BUB1B: variants seen among roughly 807,000 people sequenced by gnomAD.
BUB1B encodes mitotic checkpoint serine/threonine-protein kinase BUB1 beta.
In BUB1B, 86 loss-of-function variants were observed where a neutral mutation model predicts 137.7. The observed-to-expected ratio is 0.62, with a 90% confidence interval of 0.52 to 0.75. The LOEUF (loss-of-function observed/expected upper bound fraction) is 0.75, where lower values mean the gene tolerates loss of function less well. Ranked by LOEUF, BUB1B falls within the 30% of genes least tolerant of loss-of-function variation. The pLI is 0.00. For missense variants in BUB1B, 1,130 were observed against 1,236.9 expected (o/e 0.91, Z 1.30); for synonymous variants, 420 against 417.9 (o/e 1.00, Z -0.06).
intron 1 of BUB1B, among the ~76,000 whole-genome samples, chr15:40,162,761 T>C (rs2037055129): frequency 6.6e-6 from 1 of 152,016 alleles, no homozygotes; most frequent in Non-Finnish European, 1.5e-5. Context: ...TTAGCTCAAT[T>C]TGGGATATTT....
intron 8 of BUB1B, among the ~76,000 whole-genome samples, chr15:40,193,667 G>C (rs1004674570): frequency 1.3e-5 from 2 of 151,672 alleles, no homozygotes; most frequent in African/African-American, 4.8e-5. Flanking sequence ...CCAGTACTTT[G>C]GAAGGTGAGG....
chr15:40,185,528 T>C, intron 7 of BUB1B, 23 bp from the exon 8 acceptor site: 1 of 1,608,764 alleles, frequency 6.2e-7, no homozygotes, highest in Admixed American at 1.7e-5. Context: ...TATGGTAATT[T>C]TAGTTTTCTT....
At chr15:40,195,271 A>G (rs2037484659) in intron 8 of BUB1B, among the ~76,000 whole-genome samples, 1 of 152,102 alleles carries the variant, frequency 6.6e-6, no homozygotes, top group Non-Finnish European at 1.5e-5. Context: ...ACTTAGAATA[A>G]TGGTCTCCAA....
intron 4 of BUB1B, among the ~76,000 whole-genome samples, chr15:40,172,313 AC>A (rs1299342231): frequency 2.0e-5 from 3 of 152,192 alleles, no homozygotes; most frequent in Non-Finnish European, 4.4e-5. Context: ...CCCTTGAACA[AC>A]ACAGGGCTTA....
intron 9 of BUB1B, among the ~76,000 whole-genome samples, chr15:40,198,422 T>C (rs1425499696): frequency 1.4e-4 from 22 of 152,112 alleles, no homozygotes; most frequent in Admixed American, 1.4e-3. Flanking sequence ...TTCATGAACT[T>C]GTATAAATTC....
chr15:40,219,853 A>G (rs1225691360), intron 22 of BUB1B, among the ~76,000 whole-genome samples: 1 of 152,104 alleles, frequency 6.6e-6, no homozygotes, highest in Non-Finnish European at 1.5e-5. Flanking sequence ...CTCTATTTTC[A>G]TCTTTGAATA....
At chr15:40,216,559 ATATATATATATATT>A (rs1566829670) in intron 20 of BUB1B, among the ~76,000 whole-genome samples, 2 of 79,890 alleles carry the variant, frequency 2.5e-5, no homozygotes, top group African/African-American at 1.1e-4. Flanking sequence ...ATATATATAT[ATATATATATATATT>A]TTTTTTTTTT....
At chr15:40,200,144 G>A in intron 10 of BUB1B, 100 bp from the exon 11 acceptor site, 1 of 808,116 alleles carries the variant, frequency 1.2e-6, no homozygotes, top group Non-Finnish European at 2.1e-6. Flanking sequence ...TACTGTTAGT[G>A]GATGTCTAGG....
At chr15:40,194,788 A>G (rs781175064) in intron 8 of BUB1B, among the ~76,000 whole-genome samples, 1 of 152,018 alleles carries the variant, frequency 6.6e-6, no homozygotes, top group South Asian at 2.1e-4. Context: ...CTTAACTCTA[A>G]TTCTTTTGGA....
intron 6 of BUB1B, 126 bp downstream of exon 6, chr15:40,184,009 G>T: frequency 1.0e-6 from 1 of 973,286 alleles, no homozygotes. Flanking sequence ...CAAAAAGAAG[G>T]AAGTCAAAGG....
intron 4 of BUB1B, among the ~76,000 whole-genome samples, chr15:40,171,153 T>G (rs937909914): frequency 6.6e-6 from 1 of 152,066 alleles, no homozygotes; most frequent in Non-Finnish European, 1.5e-5. Context: ...CCCAGGCTGG[T>G]CTTGAACTCC....
chr15:40,200,540 A>G (rs1296976075), intron 11 of BUB1B, among the ~76,000 whole-genome samples, 181 bp downstream of exon 11: 1 of 152,208 alleles, frequency 6.6e-6, no homozygotes, highest in Non-Finnish European at 1.5e-5. Flanking sequence ...ACTATTTTCC[A>G]CTGAAGAAAC....
chr15:40,206,531 G>A, intron 15 of BUB1B, 73 bp downstream of exon 15: 1 of 1,587,740 alleles, frequency 6.3e-7, no homozygotes, highest in Non-Finnish European at 8.6e-7. Flanking sequence ...GTCAGTTACA[G>A]TAATCAGTTA....
At chr15:40,175,191 TA>T (rs1322306362) in intron 4 of BUB1B, among the ~76,000 whole-genome samples, 1 of 152,262 alleles carries the variant, frequency 6.6e-6, no homozygotes, top group Non-Finnish European at 1.5e-5. Flanking sequence ...TGCATGAAGT[TA>T]TTTTTTATAG....
Position 40,211,525 on chromosome 15 carries a change from A to G in BUB1B, c.2386-974A>G, listed in dbSNP as rs376936540. Among the ~76,000 whole-genome samples the G allele has an allele frequency of 2.4e-4, 36 of 152,336 alleles. No homozygotes were observed. The East Asian group carries it at 4.2e-3, about 18-fold the overall frequency. On this transcript the variant is annotated intron_variant, in intron 18 of 22. Transcript: ENST00000287598. ...AGACTTCTAATTTTCTGCCTGGAGCATATAAGCCTGGCTGCTAGCTTTCTG... is the reference window on the plus strand; with the variant it reads ...AGACTTCTAATTTTCTGCCTGGAGCGTATAAGCCTGGCTGCTAGCTTTCTG...
chr15:40,218,419 G>A lies in BUB1B; in HGVS notation c.2851-37G>A, dbSNP rs143373304. On this transcript the variant is annotated intron_variant, in intron 21 of 22. Transcript: ENST00000287598. ...AATAAGCTGCCATGGTAGAGGCAGA[G>A]AATTATTTTAGCTGATGGTGCTTTT... 7 of 1,490,836 alleles carry A rather than the reference G, an allele frequency of 4.7e-6. No individual in the cohort carries two copies. In the African/African-American group the frequency reaches 8.2e-5, roughly 18 times the overall value. 92.4% of individuals were successfully genotyped at this position (1,490,836 alleles called of 1,614,324 possible).
chr15:40,185,060 A>G, intron 6 of BUB1B, 105 bp from the exon 7 acceptor site: 3 of 820,932 alleles, frequency 3.7e-6, no homozygotes, highest in Non-Finnish European at 6.0e-6. Flanking sequence ...TTTCTGTTGT[A>G]GTGGAAATAC....
chr15:40,198,435 A>G (rs1385083480), intron 9 of BUB1B, among the ~76,000 whole-genome samples: 8 of 152,144 alleles, frequency 5.3e-5, no homozygotes, highest in Non-Finnish European at 8.8e-5. Context: ...ATAAATTCCC[A>G]TCTGTGTATA....
intron 8 of BUB1B, among the ~76,000 whole-genome samples, chr15:40,189,873 A>G (rs537881086): frequency 5.3e-5 from 8 of 152,266 alleles, no homozygotes; most frequent in African/African-American, 1.9e-4. Context: ...AACACTTGTT[A>G]TTATGCTTTT....
Sources: gnomAD v4.1 joint callset for allele counts (sites outside exome capture counted in the v4.1 genomes callset) on GRCh38, gnomAD v4.1.1 for gene constraint, MANE v1.5 for transcripts, NCBI Gene and HGNC (gene_info 2026-07-23, HGNC 2026-07-21) for gene names.